Variants in UNC93A observed in about 807,000 individuals in gnomAD.
UNC93A encodes N-acetylglucosamine transporter UNC93A.
A neutral mutation model predicts 47.5 loss-of-function variants in UNC93A; 43 were observed. The ratio of observed to expected loss-of-function variants is 0.91; its 90% CI spans 0.71 to 1.17. UNC93A has a LOEUF of 1.17. Among genes scored for constraint, UNC93A ranks in the 50% most tolerant of loss-of-function variants. UNC93A has a pLI of 0.00. For synonymous variants in UNC93A, 280 were observed against 258.0 expected (o/e 1.09, Z -0.82); for missense variants, 605 against 577.6 (o/e 1.05, Z -0.49).
At chr6:167,280,779 A>G (rs1375998876) in intron 1 of UNC93A, among the ~76,000 whole-genome samples, 2 of 152,308 alleles carry the variant, frequency 1.3e-5, no homozygotes, top group African/African-American at 4.8e-5. Context: ...AAAAAATTGT[A>G]TGCTTCACTG....
intron 1 of UNC93A, among the ~76,000 whole-genome samples, chr6:167,292,902 A>T (rs2981959): frequency 0.29 from 43,757 of 151,924 alleles, 7,423 homozygotes; most frequent in African/African-American, 0.48. Flanking sequence ...TGGGGTCAGC[A>T]TTCCTAGGAA....
intron 3 of UNC93A, among the ~76,000 whole-genome samples, chr6:167,296,619 T>C (rs1778096291): frequency 6.6e-6 from 1 of 152,236 alleles, no homozygotes; most frequent in Non-Finnish European, 1.5e-5. Flanking sequence ...TGGGGTTGCC[T>C]GATTTCTTTT....
chr6:167,302,891 G>A (rs1440341569), intron 4 of UNC93A, among the ~76,000 whole-genome samples: 6 of 152,256 alleles, frequency 3.9e-5, no homozygotes, highest in African/African-American at 1.4e-4. Flanking sequence ...TTTAAGTTGC[G>A]CTTGTTCTGA....
chr6:167,313,114 CTCTG>C (rs1428616556), intron 7 of UNC93A, among the ~76,000 whole-genome samples: 1 of 152,204 alleles, frequency 6.6e-6, no homozygotes, highest in African/African-American at 2.4e-5. Flanking sequence ...AGGGTGTCAC[CTCTG>C]TCTGGGGCCA....
intron 1 of UNC93A, among the ~76,000 whole-genome samples, chr6:167,274,627 G>A (rs1166818903): frequency 2.0e-5 from 3 of 152,162 alleles, no homozygotes; most frequent in African/African-American, 4.8e-5. Context: ...CTGACTGGCG[G>A]CTGTCTAGAT....
intron 1 of UNC93A, among the ~76,000 whole-genome samples, chr6:167,274,874 G>A (rs1783512804): frequency 6.6e-6 from 1 of 152,158 alleles, no homozygotes; most frequent in Admixed American, 6.5e-5. Context: ...AGTGCAAATT[G>A]CTCCTGCAAA....
At chr6:167,292,682 T>C (rs1783867937) in intron 1 of UNC93A, among the ~76,000 whole-genome samples, 1 of 152,208 alleles carries the variant, frequency 6.6e-6, no homozygotes, top group South Asian at 2.1e-4. Context: ...AGTCCCTGCT[T>C]TGCCCAGAAC....
intron 2 of UNC93A, 123 bp from the exon 3 acceptor site, chr6:167,295,909 A>G (rs778603477): frequency 8.0e-5 from 66 of 821,896 alleles, no homozygotes; most frequent in Non-Finnish European, 1.2e-4. Context: ...AACACTCATC[A>G]CCACGCTTGC....
Position 167,315,361 on chromosome 6 carries a change from T to C in UNC93A, c.1283T>C (p.Val428Ala), listed in dbSNP as rs757579241. The C allele has an allele frequency of 2.5e-6, 4 of 1,613,892 alleles. No individual in the cohort carries two copies. In the South Asian group the frequency reaches 3.3e-5, roughly 13 times the overall value. Residue 428 changes from valine to alanine, a missense_variant, in exon 8 of 8, where the codon GTG (valine) becomes GCG (alanine). Val to Ala is a moderately conservative substitution (Grantham distance 64, BLOSUM62 0). Transcript: ENST00000230256. Reference protein sequence around the residue: ...LSLTMVAYGLVECVESKNPIR... With the variant: ...LSLTMVAYGLAECVESKNPIR... ...CTGACCATGGTGGCGTATGGGCTTGTGGAGTGCGTGGAGTCCAAGAACCCG... is the reference window on the plus strand; with the variant it reads ...CTGACCATGGTGGCGTATGGGCTTGCGGAGTGCGTGGAGTCCAAGAACCCG...
intron 1 of UNC93A, among the ~76,000 whole-genome samples, chr6:167,281,377 C>T (rs1783631393): frequency 6.6e-6 from 1 of 152,182 alleles, no homozygotes; most frequent in Non-Finnish European, 1.5e-5. Context: ...TACATGCCCT[C>T]CCTGGCCAGG....
intron 3 of UNC93A, 102 bp from the exon 4 acceptor site, chr6:167,297,843 A>AG: frequency 1.4e-6 from 2 of 1,460,970 alleles, no homozygotes; most frequent in South Asian, 2.6e-5. Context: ...GCCTCCCCCC[A>AG]GGTGTCCAAT....
intron 1 of UNC93A, among the ~76,000 whole-genome samples, chr6:167,281,488 A>C (rs1218038455): frequency 6.6e-6 from 1 of 152,062 alleles, no homozygotes; most frequent in Non-Finnish European, 1.5e-5. Flanking sequence ...GGATTCTAAC[A>C]CTCACTCCCT....
chr6:167,272,946 C>T (rs1368582482), intron 1 of UNC93A, among the ~76,000 whole-genome samples: 2 of 152,118 alleles, frequency 1.3e-5, no homozygotes, highest in African/African-American at 4.8e-5. Flanking sequence ...TGGCCTGAAC[C>T]AGACTCTCAG....
At chr6:167,303,311 A>G (rs1778293659) in intron 4 of UNC93A, among the ~76,000 whole-genome samples, 1 of 152,230 alleles carries the variant, frequency 6.6e-6, no homozygotes, top group South Asian at 2.1e-4. Context: ...AGAGGTCTGC[A>G]TCTTGCTTGT....
intron 1 of UNC93A, among the ~76,000 whole-genome samples, chr6:167,272,678 A>G (rs1053699577): frequency 6.6e-6 from 1 of 152,220 alleles, no homozygotes; most frequent in Non-Finnish European, 1.5e-5. Context: ...ATTGCTATTA[A>G]TAGCTTATAG....
intron 7 of UNC93A, among the ~76,000 whole-genome samples, chr6:167,309,699 G>A (rs898618473): frequency 9.2e-5 from 14 of 152,300 alleles, no homozygotes; most frequent in Non-Finnish European, 1.3e-4. Flanking sequence ...CTCAGATCGC[G>A]GACAGAACAC....
At chr6:167,304,800 C>G (rs566378030) in intron 5 of UNC93A, among the ~76,000 whole-genome samples, 1 of 152,284 alleles carries the variant, frequency 6.6e-6, no homozygotes, top group Non-Finnish European at 1.5e-5. Context: ...AAACTCCCAA[C>G]CTCAGGTGAT....
At chr6:167,288,180 A>C (rs1783774057), upstream of UNC93A, among the ~76,000 whole-genome samples, 1 of 152,172 alleles carries the variant, frequency 6.6e-6, no homozygotes, top group African/African-American at 2.4e-5. Flanking sequence ...GCCCTCTCTG[A>C]TAAGTAATGG....
At chr6:167,301,339 G>C (rs1395393439) in intron 4 of UNC93A, among the ~76,000 whole-genome samples, 2 of 152,258 alleles carry the variant, frequency 1.3e-5, no homozygotes, top group Non-Finnish European at 2.9e-5. Context: ...TGTAAATGAA[G>C]AAGTGGTCTT....
Sources: gnomAD v4.1 joint callset for allele counts (sites outside exome capture counted in the v4.1 genomes callset) on GRCh38, gnomAD v4.1.1 for gene constraint, MANE v1.5 for transcripts, NCBI Gene and HGNC (gene_info 2026-07-23, HGNC 2026-07-21) for gene names.